The following CSNK2A2IP variants were observed in gnomAD, a reference collection of about 807,000 sequenced individuals.
CSNK2A2IP encodes casein kinase 2 subunit alpha' interacting protein, also known as casein kinase II subunit alpha'-interacting protein.
the CSNK2A2IP span, among the ~76,000 whole-genome samples, chr3:88,370,373 G>T: frequency 6.6e-6 from 1 of 151,864 alleles, no homozygotes; most frequent in African/African-American, 2.4e-5. Context: ...ATCAGTCAAA[G>T]GTTGGACTAG....
the CSNK2A2IP span, among the ~76,000 whole-genome samples, chr3:88,417,746 A>C: frequency 6.6e-6 from 1 of 152,226 alleles, no homozygotes; most frequent in Non-Finnish European, 1.5e-5. Context: ...TTCCTGAAGC[A>C]ACATAAATCA....
the CSNK2A2IP span, among the ~76,000 whole-genome samples, chr3:88,457,575 T>G: frequency 6.6e-6 from 1 of 151,912 alleles, no homozygotes; most frequent in South Asian, 2.1e-4. Flanking sequence ...CAGTCTCCTG[T>G]GATCCCAGCT....
the CSNK2A2IP span, among the ~76,000 whole-genome samples, chr3:88,364,007 C>G: frequency 6.6e-6 from 1 of 152,122 alleles, no homozygotes; most frequent in Non-Finnish European, 1.5e-5. Context: ...GGTCCTGCTT[C>G]TGTGCAATAC....
At chr3:88,454,456 A>T in the CSNK2A2IP span, among the ~76,000 whole-genome samples, 4 of 150,300 alleles carry the variant, frequency 2.7e-5, no homozygotes, top group Non-Finnish European at 4.4e-5. Context: ...TCTTTTACTG[A>T]TTGAGCTTTT....
At chr3:88,398,066 A>G in the CSNK2A2IP span, among the ~76,000 whole-genome samples, 1 of 152,150 alleles carries the variant, frequency 6.6e-6, no homozygotes, top group Non-Finnish European at 1.5e-5. Flanking sequence ...ATGATTTCCT[A>G]TAATAAAACA....
the CSNK2A2IP span, among the ~76,000 whole-genome samples, chr3:88,412,819 G>T: frequency 3.3e-5 from 5 of 152,032 alleles, no homozygotes. Context: ...TACCACACCG[G>T]TATTTCTGTA....
At chr3:88,340,365 T>TA in the CSNK2A2IP span, among the ~76,000 whole-genome samples, 2 of 152,010 alleles carry the variant, frequency 1.3e-5, no homozygotes, top group Non-Finnish European at 2.9e-5. Context: ...TTAAAATTTT[T>TA]AAAAAATTGC....
chr3:88,382,072 A>C, the CSNK2A2IP span, among the ~76,000 whole-genome samples: 1 of 152,170 alleles, frequency 6.6e-6, no homozygotes. Flanking sequence ...TCCCAATCTG[A>C]TTCTTCACCC....
the CSNK2A2IP span, among the ~76,000 whole-genome samples, chr3:88,349,858 T>C: frequency 1.3e-5 from 2 of 152,256 alleles, no homozygotes; most frequent in Admixed American, 6.6e-5. Flanking sequence ...TGGTATCTCA[T>C]TGTGGTTTTA....
the CSNK2A2IP span, chr3:88,465,259 A>T: frequency 3.2e-6 from 2 of 631,724 alleles, no homozygotes; most frequent in Admixed American, 4.4e-5. Context: ...TGTTATGTAA[A>T]AGTATCCATT....
chr3:88,435,334 T>A, the CSNK2A2IP span, among the ~76,000 whole-genome samples: 1 of 152,126 alleles, frequency 6.6e-6, no homozygotes, highest in Non-Finnish European at 1.5e-5. Flanking sequence ...GCAAGTGAAC[T>A]GATTATGGCC....
At chr3:88,412,564 G>A in the CSNK2A2IP span, among the ~76,000 whole-genome samples, 1 of 151,982 alleles carries the variant, frequency 6.6e-6, no homozygotes, top group South Asian at 2.1e-4. Flanking sequence ...CTACACATTT[G>A]TGAAATTTTT....
chr3:88,415,630 T>A, the CSNK2A2IP span, among the ~76,000 whole-genome samples: 22 of 152,030 alleles, frequency 1.4e-4, no homozygotes, highest in African/African-American at 4.8e-4. Flanking sequence ...GAAGCCCCTA[T>A]CTGCTGTGCC....
chr3:88,411,962 A>G, the CSNK2A2IP span, among the ~76,000 whole-genome samples: 2 of 151,760 alleles, frequency 1.3e-5, no homozygotes, highest in African/African-American at 2.4e-5. Context: ...AGAAAGTTTG[A>G]ACTTACTTAT....
chr3:88,368,586 A>T, the CSNK2A2IP span, among the ~76,000 whole-genome samples: 1 of 152,072 alleles, frequency 6.6e-6, no homozygotes, highest in Non-Finnish European at 1.5e-5. Flanking sequence ...TTCCTCCACA[A>T]GAAACAAACA....
chr3:88,381,578 G>A, the CSNK2A2IP span, among the ~76,000 whole-genome samples: 1 of 152,198 alleles, frequency 6.6e-6, no homozygotes, highest in Non-Finnish European at 1.5e-5. Context: ...TGTTATGTGG[G>A]AAACAGCTGC....
the CSNK2A2IP span, among the ~76,000 whole-genome samples, chr3:88,422,396 CAGT>C: frequency 6.6e-6 from 1 of 151,980 alleles, no homozygotes; most frequent in African/African-American, 2.4e-5. Context: ...AGTGAATACT[CAGT>C]AGTATTTGTT....
the CSNK2A2IP span, among the ~76,000 whole-genome samples, chr3:88,349,608 T>G: frequency 6.6e-6 from 1 of 152,136 alleles, no homozygotes; most frequent in Non-Finnish European, 1.5e-5. Context: ...TGTGTGCATG[T>G]ATCATTTTCA....
the CSNK2A2IP span, among the ~76,000 whole-genome samples, chr3:88,359,360 T>C: frequency 1.3e-5 from 2 of 152,022 alleles, no homozygotes; most frequent in East Asian, 1.9e-4. Context: ...TTTTTTGGTT[T>C]TGATTTATTT....
Sources: allele counts gnomAD v4.1 joint callset (sites outside exome capture counted in the v4.1 genomes callset), GRCh38; gene constraint gnomAD v4.1.1; transcripts MANE v1.5; gene names NCBI Gene and HGNC (gene_info 2026-07-23, HGNC 2026-07-21).